The following ACTMAP variants were observed in gnomAD, a reference collection of about 807,000 sequenced individuals.
The protein encoded by ACTMAP is UPF0692 protein C19orf54.
At chr19:40,744,606 C>T in the ACTMAP span, 8 of 1,613,736 alleles carry the variant, frequency 5.0e-6, no homozygotes, top group East Asian at 4.5e-5. Context: ...CGTGGCCACC[C>T]GTATGAGTCT....
chr19:40,746,588 G>A, the ACTMAP span, among the ~76,000 whole-genome samples: 1 of 152,138 alleles, frequency 6.6e-6, no homozygotes, highest in East Asian at 1.9e-4. Context: ...TGTTAGCCAG[G>A]ATGGTCTCGA....
chr19:40,745,186 G>A, the ACTMAP span: 527 of 1,551,844 alleles, frequency 3.4e-4, no homozygotes, highest in South Asian at 8.0e-4. Context: ...TCCACCGCAG[G>A]TCACCTCGGA....
the ACTMAP span, among the ~76,000 whole-genome samples, chr19:40,748,683 T>G: frequency 6.6e-6 from 1 of 152,220 alleles, no homozygotes; most frequent in East Asian, 1.9e-4. Context: ...CTCTGCCGCT[T>G]TCACAGCCCC....
chr19:40,743,862 G>C, the ACTMAP span: 1 of 1,603,442 alleles, frequency 6.2e-7, no homozygotes, highest in Non-Finnish European at 8.5e-7. Flanking sequence ...GGAGGCCGGG[G>C]AGACCCAGGT....
the ACTMAP span, chr19:40,741,878 A>C: frequency 2.2e-6 from 1 of 454,178 alleles, no homozygotes; most frequent in East Asian, 7.0e-5. Flanking sequence ...TGAAGACATG[A>C]GGTGGGGGAG....
chr19:40,746,210 T>TTTTG, the ACTMAP span, among the ~76,000 whole-genome samples: 2 of 148,134 alleles, frequency 1.4e-5, no homozygotes, highest in Non-Finnish European at 3.0e-5. Flanking sequence ...ATTCATTCCT[T>TTTTG]TTTGTTTGTT....
the ACTMAP span, chr19:40,744,719 T>G: frequency 6.4e-7 from 1 of 1,573,252 alleles, no homozygotes; most frequent in African/African-American, 1.4e-5. Flanking sequence ...CAATCCTATG[T>G]CACAGCCCCC....
chr19:40,745,043 C>T, the ACTMAP span: 4 of 1,464,666 alleles, frequency 2.7e-6, no homozygotes, highest in African/African-American at 5.6e-5. Context: ...CAATCCACTC[C>T]TCTTCTCCAG....
chr19:40,746,480 A>C, the ACTMAP span, among the ~76,000 whole-genome samples: 1 of 151,800 alleles, frequency 6.6e-6, no homozygotes, highest in Non-Finnish European at 1.5e-5. Flanking sequence ...GGTTCACGCC[A>C]TTCTCCTGCC....
the ACTMAP span, among the ~76,000 whole-genome samples, chr19:40,747,064 C>T: frequency 6.7e-6 from 1 of 150,182 alleles, no homozygotes; most frequent in Non-Finnish European, 1.5e-5. Flanking sequence ...GCCTTGGCCT[C>T]CCAAAGTGCT....
the ACTMAP span, chr19:40,741,508 A>G: frequency 2.9e-6 from 1 of 339,014 alleles, no homozygotes; most frequent in African/African-American, 2.2e-5. Flanking sequence ...AGGGACAGAG[A>G]AGTGATCCAG....
At chr19:40,744,522 A>G in the ACTMAP span, 1 of 1,610,346 alleles carries the variant, frequency 6.2e-7, no homozygotes, top group Non-Finnish European at 8.5e-7. Context: ...TCCCAGCCTC[A>G]TGAAGAGATG....
At chr19:40,749,644 G>T in the ACTMAP span, 3 of 1,549,052 alleles carry the variant, frequency 1.9e-6, no homozygotes, top group Non-Finnish European at 2.6e-6. Context: ...GGGAGCGGTG[G>T]GGGAACAGGG....
chr19:40,749,368 T>G, the ACTMAP span: 5 of 1,100,804 alleles, frequency 4.5e-6, no homozygotes, highest in Non-Finnish European at 6.5e-6. Context: ...GTGGGGGACC[T>G]AAGTAGTCAG....
the ACTMAP span, chr19:40,749,626 G>A: frequency 2.6e-6 from 4 of 1,550,024 alleles, no homozygotes; most frequent in East Asian, 9.8e-5. Context: ...GCGGGTGGAG[G>A]AGGCAGTGGG....
At chr19:40,746,796 C>A in the ACTMAP span, among the ~76,000 whole-genome samples, 1 of 152,122 alleles carries the variant, frequency 6.6e-6, no homozygotes, top group Non-Finnish European at 1.5e-5. Context: ...CAGGCGTGAG[C>A]CACCATGCCC....
chr19:40,749,863 C>A, the ACTMAP span: 1 of 1,212,152 alleles, frequency 8.2e-7, no homozygotes, highest in Non-Finnish European at 1.1e-6. Context: ...GATCCTCCAA[C>A]GGAGAACGGT....
the ACTMAP span, chr19:40,741,504 AG>A: frequency 3.0e-6 from 1 of 338,688 alleles, no homozygotes; most frequent in Non-Finnish European, 5.9e-6. Context: ...AGTTAGGGAC[AG>A]AGAAGTGATC....
chr19:40,741,465 T>A, the ACTMAP span: 2 of 275,674 alleles, frequency 7.3e-6, no homozygotes, highest in African/African-American at 2.2e-5. Context: ...GCAACAGTGC[T>A]CTGTAGTTTC....
Sources: allele counts gnomAD v4.1 joint callset (sites outside exome capture counted in the v4.1 genomes callset), GRCh38; gene constraint gnomAD v4.1.1; transcripts MANE v1.5; gene names NCBI Gene and HGNC (gene_info 2026-07-23, HGNC 2026-07-21).